PDZRN3: variants seen among roughly 807,000 people sequenced by gnomAD.
The protein encoded by PDZRN3 is PDZ domain containing ring finger 3, also known as E3 ubiquitin-protein ligase PDZRN3.
A neutral mutation model predicts 85.7 loss-of-function variants in PDZRN3; 38 were observed. That is an observed-to-expected ratio of 0.44 (90% CI 0.34 to 0.58). The LOEUF (loss-of-function observed/expected upper bound fraction) is 0.58, where lower values mean the gene tolerates loss of function less well. Ranked by LOEUF, PDZRN3 falls within the 20% of genes least tolerant of loss-of-function variation. The probability of loss-of-function intolerance (pLI) is 0.01; values close to 1 mark genes in which losing one functional copy is unlikely to be tolerated. For missense variants in PDZRN3, 1,629 were observed against 1,506.4 expected (o/e 1.08, Z -1.35); for synonymous variants, 759 against 638.0 (o/e 1.19, Z -2.86).
intron 3 of PDZRN3, among the ~76,000 whole-genome samples, chr3:73,435,763 A>C (rs3856580): frequency 0.21 from 32,244 of 151,782 alleles, 7,159 homozygotes; most frequent in African/African-American, 0.57. Context: ...TTGCTTCTCT[A>C]CCCTAGTTCA....
intron 3 of PDZRN3, among the ~76,000 whole-genome samples, chr3:73,427,169 A>C (rs1702333084): frequency 6.6e-6 from 1 of 152,244 alleles, no homozygotes; most frequent in South Asian, 2.1e-4. Flanking sequence ...GTAGGCAAAC[A>C]GGTCACTCTA....
chr3:73,624,600 G>A lies in PDZRN3; in HGVS notation c.226C>T (p.Leu76Phe). 4 of 1,558,042 alleles carry A rather than the reference G, an allele frequency of 2.6e-6. No individual in the cohort carries two copies. The highest frequency in any genetic ancestry group is 1.7e-6 in the Non-Finnish European group (2 of 1,155,962). Residue 76 changes from leucine (L) to phenylalanine (F), a missense_variant, in exon 1 of 10, where the codon CTC becomes TTC. Transcript: ENST00000263666. ...TACGCGCACTTGATGTCCAGCTTGAGGATAAGGCGCTTGAGCGGCAGGACG... is the reference window on the plus strand; with the variant it reads ...TACGCGCACTTGATGTCCAGCTTGAAGATAAGGCGCTTGAGCGGCAGGACG... Reference protein sequence around the residue: ...NHVLPLKRLILKLDIKCAYAT... With the variant: ...NHVLPLKRLIFKLDIKCAYAT...
intron 3 of PDZRN3, among the ~76,000 whole-genome samples, chr3:73,599,314 G>C (rs1412112078): frequency 2.6e-5 from 4 of 152,134 alleles, no homozygotes. Flanking sequence ...CGAACCTTGA[G>C]GACATTATGC....
At chr3:73,518,763 T>G (rs910589712) in intron 3 of PDZRN3, among the ~76,000 whole-genome samples, 7 of 152,162 alleles carry the variant, frequency 4.6e-5, no homozygotes, top group African/African-American at 1.4e-4. Context: ...GAAAGGACTA[T>G]GCAATTCTCT....
chr3:73,456,125 ACAT>A (rs2106853579), intron 3 of PDZRN3, among the ~76,000 whole-genome samples: 2 of 152,346 alleles, frequency 1.3e-5, no homozygotes, highest in South Asian at 4.1e-4. Context: ...GAAACCTAAT[ACAT>A]TGTTCATATG....
chr3:73,418,319 G>C (rs1702132405), intron 3 of PDZRN3, among the ~76,000 whole-genome samples: 1 of 152,174 alleles, frequency 6.6e-6, no homozygotes, highest in Non-Finnish European at 1.5e-5. Context: ...CATGTTTGTG[G>C]AAAGTATGAA....
Position 73,493,132 on chromosome 3 carries a change from C to A in PDZRN3, c.919-88737G>T, listed in dbSNP as rs568131286. Among the ~76,000 whole-genome samples the A allele has an allele frequency of 3.9e-5, 6 of 151,910 alleles. No homozygotes were observed. The East Asian group carries it at 1.2e-3, about 30-fold the overall frequency. On this transcript the variant is annotated intron_variant, in intron 3 of 9. Coordinates refer to ENST00000263666, the MANE Select transcript of PDZRN3 (RefSeq NM_015009.3). ...GTTCCCTTCTTATGCCATAATTTCTCCTTGGCCTCAGAGGCACCTTTACTG... is the reference window on the plus strand; with the variant it reads ...GTTCCCTTCTTATGCCATAATTTCTACTTGGCCTCAGAGGCACCTTTACTG...
At chr3:73,461,136 T>G (rs1445589456) in intron 3 of PDZRN3, among the ~76,000 whole-genome samples, 1 of 152,182 alleles carries the variant, frequency 6.6e-6, no homozygotes, top group Non-Finnish European at 1.5e-5. Flanking sequence ...TAGTGGAAGT[T>G]GATCTCAGAA....
chr3:73,609,953 G>C (rs2106906853), intron 1 of PDZRN3, among the ~76,000 whole-genome samples: 1 of 152,296 alleles, frequency 6.6e-6, no homozygotes, highest in African/African-American at 2.4e-5. Flanking sequence ...CAGGAGAACT[G>C]TGCCCAGTAG....
intron 3 of PDZRN3, among the ~76,000 whole-genome samples, chr3:73,564,474 T>C (rs900509290): frequency 6.6e-6 from 1 of 152,118 alleles, no homozygotes; most frequent in Admixed American, 6.5e-5. Context: ...AGCCAACTTC[T>C]CCTTTCAAAG....
intron 3 of PDZRN3, among the ~76,000 whole-genome samples, chr3:73,473,627 C>T (rs1703391728): frequency 6.6e-6 from 1 of 152,192 alleles, no homozygotes; most frequent in Admixed American, 6.5e-5. Flanking sequence ...GAAATTCAAT[C>T]TTCACTATAA....
At chr3:73,480,734 G>A (rs1248895688) in intron 3 of PDZRN3, among the ~76,000 whole-genome samples, 1 of 152,060 alleles carries the variant, frequency 6.6e-6, no homozygotes, top group Non-Finnish European at 1.5e-5. Flanking sequence ...CTGTATCTCT[G>A]GCATCCGGTA....
intron 3 of PDZRN3, among the ~76,000 whole-genome samples, chr3:73,517,102 G>A (rs762464163): frequency 3.3e-5 from 5 of 152,122 alleles, no homozygotes; most frequent in Non-Finnish European, 4.4e-5. Context: ...CTGAAAGGAG[G>A]TGTGTGTGTG....
chr3:73,419,853 A>G (rs1702164396), intron 3 of PDZRN3, among the ~76,000 whole-genome samples: 1 of 152,192 alleles, frequency 6.6e-6, no homozygotes, highest in South Asian at 2.1e-4. Context: ...ATGTTTTTAA[A>G]TGTGTAATTT....
chr3:73,601,302 G>A (rs986844914), intron 3 of PDZRN3, among the ~76,000 whole-genome samples: 1 of 152,092 alleles, frequency 6.6e-6, no homozygotes, highest in African/African-American at 2.4e-5. Context: ...CGTGGTCCTA[G>A]CTCCCACTCA....
rs1194425103 is a variant in PDZRN3 at position 73,428,694 on chromosome 3, G to GATTT, written c.919-24300_919-24299insAAAT. Among the ~76,000 whole-genome samples the GATTT allele has an allele frequency of 2.0e-5, 3 of 152,140 alleles. No individual in the cohort carries two copies. In the East Asian group the frequency reaches 5.8e-4, roughly 29 times the overall value. ...AGAGGAGACAAACTGAAAGAAGAGA[G>GATTT]GTAATCTCTGGTCCCACCCTAGGTC... On this transcript the variant is annotated intron_variant, in intron 3 of 9. Coordinates refer to ENST00000263666, the MANE Select transcript of PDZRN3 (RefSeq NM_015009.3).
At chr3:73,501,962 C>A (rs1284631493) in intron 3 of PDZRN3, among the ~76,000 whole-genome samples, 1 of 152,164 alleles carries the variant, frequency 6.6e-6, no homozygotes, top group Non-Finnish European at 1.5e-5. Context: ...ATGCAGTGAG[C>A]TGAGATCGCA....
chr3:73,406,567 C>T (rs763748565), intron 3 of PDZRN3, among the ~76,000 whole-genome samples: 18 of 152,254 alleles, frequency 1.2e-4, no homozygotes, highest in Admixed American at 2.6e-4. Context: ...CACCCAGTCA[C>T]GCTGGTCTTC....
intron 3 of PDZRN3, among the ~76,000 whole-genome samples, chr3:73,423,380 G>A (rs1010979752): frequency 1.3e-5 from 2 of 152,316 alleles, no homozygotes; most frequent in Middle Eastern, 3.4e-3. Flanking sequence ...CTGTGTTATG[G>A]TAAACTGCTT....
Sources: gnomAD v4.1 joint callset for allele counts (sites outside exome capture counted in the v4.1 genomes callset) on GRCh38, gnomAD v4.1.1 for gene constraint, MANE v1.5 for transcripts, NCBI Gene and HGNC (gene_info 2026-07-23, HGNC 2026-07-21) for gene names.